CUL4A: variants seen among roughly 807,000 people sequenced by gnomAD.
CUL4A encodes the protein cullin 4A, also known as cullin-4A.
A neutral mutation model predicts 95.5 loss-of-function variants in CUL4A; 16 were observed. The observed-to-expected ratio is 0.17, with a 90% CI of 0.11 to 0.25. The LOEUF is 0.25. Among genes scored for constraint, CUL4A ranks in the 10% least tolerant of loss-of-function variants. The probability of loss-of-function intolerance (pLI) is 1.00; values close to 1 mark genes in which losing one functional copy is unlikely to be tolerated. For missense variants in CUL4A, 610 were observed against 937.0 expected (o/e 0.65, Z 4.56); for synonymous variants, 380 against 353.1 (o/e 1.08, Z -0.85).
upstream of CUL4A, chr13:113,209,561 G>A: frequency 1.4e-5 from 13 of 908,494 alleles, no homozygotes; most frequent in South Asian, 2.9e-4. Flanking sequence ...GCGCGGACCG[G>A]GGCGGGCGGA....
chr13:113,232,396 GCTGCCACCACCACCACTATTACTATTA>G (rs1294590037), intron 5 of CUL4A, among the ~76,000 whole-genome samples: 4 of 78,254 alleles, frequency 5.1e-5, no homozygotes, highest in Non-Finnish European at 9.7e-5. Context: ...CTATATTACT[GCTGCCACCACCACCACTATTACTATTA>G]CTGCCACCAC....
At chr13:113,232,620 C>A (rs532224598) in intron 5 of CUL4A, among the ~76,000 whole-genome samples, 1 of 152,328 alleles carries the variant, frequency 6.6e-6, no homozygotes, top group East Asian at 1.9e-4. Flanking sequence ...TCCTAACATT[C>A]CTCAGGCCAT....
At chr13:113,223,766 A>G (rs2040992301) in intron 3 of CUL4A, among the ~76,000 whole-genome samples, 2 of 152,210 alleles carry the variant, frequency 1.3e-5, no homozygotes, top group Admixed American at 1.3e-4. Context: ...GATGAAACCC[A>G]TCAGATGTGC....
At chr13:113,236,282 G>A (rs2041541589) in intron 8 of CUL4A, among the ~76,000 whole-genome samples, 1 of 152,168 alleles carries the variant, frequency 6.6e-6, no homozygotes, top group African/African-American at 2.4e-5. Context: ...GCCATGTTGT[G>A]CTTCCTTCCA....
intron 18 of CUL4A, 72 bp from the exon 19 acceptor site, chr13:113,260,531 CTGAG>C: frequency 7.4e-7 from 1 of 1,345,958 alleles, no homozygotes; most frequent in African/African-American, 1.5e-5. Flanking sequence ...GCCCAGGCAA[CTGAG>C]TGAGACTCCA....
intron 9 of CUL4A, among the ~76,000 whole-genome samples, chr13:113,237,307 C>A (rs1349153489): frequency 6.6e-6 from 1 of 152,236 alleles, no homozygotes; most frequent in African/African-American, 2.4e-5. Context: ...CACCTGCGGA[C>A]TTCGTGCATC....
At chr13:113,254,656 C>A in intron 16 of CUL4A, 37 bp from the exon 17 acceptor site, 1 of 1,354,380 alleles carries the variant, frequency 7.4e-7, no homozygotes, top group South Asian at 1.3e-5. Context: ...ATTGTACATG[C>A]ACAGCTTCAG....
rs1411699892 is a variant in CUL4A at position 113,264,951 on chromosome 13, T to C, written c.*1369T>C. ...AGAAAGACCAAACAGATTTCTATTT[T>C]TTTTTTCTTATAAGTTCGTTGTGTC... On this transcript the variant is annotated 3_prime_UTR_variant, in exon 20 of 20. Transcript: ENST00000375440. The C allele has an allele frequency of 6.6e-6, 1 of 152,238 alleles. No homozygotes were observed. The highest frequency in any genetic ancestry group is 2.4e-5 in the African/African-American group (1 of 41,462). The allele number at this position is 152,238 out of a possible 1,614,324, so 9.4% of individuals were successfully genotyped here.
chr13:113,219,465 G>A (rs562142298), intron 3 of CUL4A: 58 of 160,166 alleles, frequency 3.6e-4, no homozygotes, highest in African/African-American at 1.2e-3. Context: ...TCAGTCTCAC[G>A]GGCAGAGTCA....
chr13:113,241,849 G>A (rs904402831), intron 10 of CUL4A, among the ~76,000 whole-genome samples: 16 of 149,278 alleles, frequency 1.1e-4, no homozygotes, highest in African/African-American at 4.1e-4. Flanking sequence ...GCTACCTCGC[G>A]TGTGTGTGTG....
At chr13:113,260,079 C>T (rs1595436226) in intron 18 of CUL4A, among the ~76,000 whole-genome samples, 1 of 150,252 alleles carries the variant, frequency 6.7e-6, no homozygotes, top group East Asian at 2.0e-4. Context: ...TGGGGGGGCA[C>T]CGTAGTCCCA....
At chr13:113,239,574 G>A (rs371894109) in intron 10 of CUL4A, 23 bp downstream of exon 10, 17 of 1,560,110 alleles carry the variant, frequency 1.1e-5, no homozygotes, top group African/African-American at 2.7e-5. Context: ...TTTTGAGGCC[G>A]CGGGCGTGGG....
chr13:113,236,137 A>G (rs900201205), intron 8 of CUL4A, among the ~76,000 whole-genome samples: 2 of 152,170 alleles, frequency 1.3e-5, no homozygotes, highest in African/African-American at 4.8e-5. Flanking sequence ...AGGTGCGGAA[A>G]GGGGAAGGAT....
chr13:113,226,457 G>A (rs927054817), intron 3 of CUL4A, among the ~76,000 whole-genome samples: 9 of 152,214 alleles, frequency 5.9e-5, no homozygotes, highest in Non-Finnish European at 1.0e-4. Flanking sequence ...GATTTTCAGT[G>A]AGAGTGGATG....
intron 2 of CUL4A, among the ~76,000 whole-genome samples, 197 bp downstream of exon 2, chr13:113,210,285 C>T (rs775310908): frequency 2.0e-5 from 3 of 152,196 alleles, no homozygotes; most frequent in African/African-American, 4.8e-5. Context: ...TGTTTTCAGG[C>T]TTAAGCTGCT....
intron 5 of CUL4A, chr13:113,229,736 G>A (rs769740242): frequency 1.9e-5 from 10 of 532,960 alleles, no homozygotes; most frequent in South Asian, 1.1e-4. Flanking sequence ...CAGGAAGCTC[G>A]GACAGGCGGC....
rs567149288 is a variant in CUL4A, at chr13:113,266,817, C to T, written c.*3235C>T. The T allele has an allele frequency of 2.0e-5, 3 of 152,088 alleles. No individual in the cohort carries two copies. The highest frequency in any genetic ancestry group is 2.1e-4 in the South Asian group (1 of 4,816). 9.4% of individuals were successfully genotyped at this position (152,088 alleles called of 1,614,324 possible). On this transcript the variant is annotated 3_prime_UTR_variant, in exon 20 of 20. Coordinates refer to ENST00000375440, the MANE Select transcript of CUL4A (RefSeq NM_001008895.4). ...GAAGTTCCAAGTGGTCAAGTATTTA[C>T]GTGTAAAAAAATACATATATATGAA...
At chr13:113,249,929 T>C (rs1479092139) in intron 15 of CUL4A, among the ~76,000 whole-genome samples, 1 of 152,230 alleles carries the variant, frequency 6.6e-6, no homozygotes, top group East Asian at 1.9e-4. Context: ...TTGCCTAGTT[T>C]TTAACCGGGC....
chr13:113,253,850 C>CT (rs1566369150), intron 16 of CUL4A, among the ~76,000 whole-genome samples: 1 of 152,160 alleles, frequency 6.6e-6, no homozygotes, highest in Admixed American at 6.5e-5. Flanking sequence ...ATTATATACA[C>CT]TAAGCAAAAA....
Sources: gnomAD v4.1 joint callset for allele counts (sites outside exome capture counted in the v4.1 genomes callset) on GRCh38, gnomAD v4.1.1 for gene constraint, MANE v1.5 for transcripts, NCBI Gene and HGNC (gene_info 2026-07-23, HGNC 2026-07-21) for gene names.